SMAD2: variants seen among roughly 807,000 people sequenced by gnomAD.
The protein encoded by SMAD2 is MAD homolog 2.
SMAD2 carries 8 observed loss-of-function variants against 64.4 expected under a neutral mutation model. The ratio of observed to expected loss-of-function variants is 0.12; its 90% CI spans 0.07 to 0.22. SMAD2 has a LOEUF of 0.22. Ranked by LOEUF, SMAD2 falls within the 10% of genes least tolerant of loss-of-function variation. The pLI is 1.00. For synonymous variants in SMAD2, 203 were observed against 195.8 expected (o/e 1.04, Z -0.31); for missense variants, 289 against 561.2 (o/e 0.51, Z 4.90).
In SMAD2 at chr18:47,837,218, CT is replaced by C; in HGVS notation, c.*4608del. 5.0e-6 allele frequency: 1 copy of C among 198,654 alleles called. No homozygotes were observed. The highest frequency in any genetic ancestry group is 1.0e-5 in the Non-Finnish European group (1 of 96,028). The allele number at this position is 198,654 out of a possible 1,614,324, so 12.3% of individuals were successfully genotyped here. ...GACTCTAGGTATGAAAAGCATGTTC[CT>C]TTTTTGTTAATAAGTTCAAAGGAGA... On this transcript the variant is annotated 3_prime_UTR_variant, in exon 11 of 11. Transcript: ENST00000262160.
At chr18:47,880,206 C>T (rs896792872) in intron 2 of SMAD2, among the ~76,000 whole-genome samples, 1 of 152,132 alleles carries the variant, frequency 6.6e-6, no homozygotes, top group African/African-American at 2.4e-5. Context: ...ATACTTTGAA[C>T]AATTCTCTGT....
Position 47,836,409 on chromosome 18 carries a change from C to A in SMAD2, c.*5418G>T. 1 of 220,952 alleles carries A rather than the reference C, an allele frequency of 4.5e-6. No homozygotes were observed. The highest frequency in any genetic ancestry group is 9.1e-6 in the Non-Finnish European group (1 of 110,406). The allele number at this position is 220,952 out of a possible 1,614,324, so 13.7% of individuals were successfully genotyped here. Reference sequence around the variant, plus strand: ...AAATTTTGGCTGTGATTCTTAGTTACCAAGTTGCCAAAAAATGGTATATTA... The same window carrying A: ...AAATTTTGGCTGTGATTCTTAGTTAACAAGTTGCCAAAAAATGGTATATTA... On this transcript the variant is annotated 3_prime_UTR_variant, in exon 11 of 11. Coordinates refer to ENST00000262160, the MANE Select transcript of SMAD2 (RefSeq NM_005901.6).
intron 1 of SMAD2, among the ~76,000 whole-genome samples, chr18:47,921,496 T>C (rs1488571447): frequency 6.6e-6 from 1 of 152,220 alleles, no homozygotes; most frequent in Non-Finnish European, 1.5e-5. Flanking sequence ...CATGCAGCTG[T>C]AGATGTTTTC....
At chr18:47,907,413 A>G (rs2144505589) in intron 1 of SMAD2, among the ~76,000 whole-genome samples, 1 of 152,354 alleles carries the variant, frequency 6.6e-6, no homozygotes. Flanking sequence ...AAAGAAATAT[A>G]GACTGATTTC....
At chr18:47,850,607 A>AATATATATTATATATTAT (rs1915317921) in intron 7 of SMAD2, among the ~76,000 whole-genome samples, 2 of 55,810 alleles carry the variant, frequency 3.6e-5, no homozygotes, top group Non-Finnish European at 5.6e-5. Flanking sequence ...TATTATGTAT[A>AATATATATTATATATTAT]ATATATATTA....
At chr18:47,915,864 A>T (rs1159655213) in intron 1 of SMAD2, among the ~76,000 whole-genome samples, 2 of 152,082 alleles carry the variant, frequency 1.3e-5, no homozygotes, top group Non-Finnish European at 2.9e-5. Context: ...TATTAATTTT[A>T]CCTGTTCCAG....
Position 47,913,385 on chromosome 18 carries a change from T to TGACCTGAATG in SMAD2, c.-53-16577_-53-16576insCATTCAGGTC, listed in dbSNP as rs2034217616. On this transcript the variant is annotated intron_variant, in intron 1 of 10. Coordinates refer to ENST00000262160, the MANE Select transcript of SMAD2 (RefSeq NM_005901.6). ...TCTGAATGGCCACATGACCTGGTAT[T>TGACCTGAATG]GCCACATGATTTCAGTGTCCCATGT... Among the ~76,000 whole-genome samples the TGACCTGAATG allele has an allele frequency of 3.9e-5, 6 of 152,224 alleles. 1 individual carries two copies. The highest frequency in any genetic ancestry group is 3.9e-4 in the Admixed American group (6 of 15,288).
chr18:47,869,439 G>T lies in SMAD2; in HGVS notation c.327-3C>A, dbSNP rs766929516. The T allele has an allele frequency of 5.7e-6, 9 of 1,589,650 alleles. No homozygotes were observed. The Admixed American group carries it at 1.4e-4, about 24-fold the overall frequency. ...CCTGGAGACGACCATCAAGAGACCT[G>T]TTGGGAAGCAAGGGGAAAAGAAAGG... On this transcript the variant is annotated splice_polypyrimidine_tract_variant and splice_region_variant and intron_variant, in intron 3 of 10. Transcript: ENST00000262160.
chr18:47,851,435 A>G (rs2030063276), intron 6 of SMAD2, 108 bp from the exon 7 acceptor site: 1 of 718,424 alleles, frequency 1.4e-6, no homozygotes, highest in African/African-American at 1.8e-5. Context: ...ATACAAAGAT[A>G]ATTTAAATAC....
rs979618446 is a variant in SMAD2 at position 47,835,360 on chromosome 18, T to C, written c.*6467A>G. The C allele has an allele frequency of 4.4e-5, 9 of 203,920 alleles. No homozygotes were observed. The highest frequency in any genetic ancestry group is 2.1e-4 in the African/African-American group (9 of 43,710). The allele number at this position is 203,920 out of a possible 1,614,324, so 12.6% of individuals were successfully genotyped here. Reference sequence around the variant, plus strand: ...AATTAATCTGTGTGTATATTAGTTATATAAAGCAATGGATTTCCACATTCT... The same window carrying C: ...AATTAATCTGTGTGTATATTAGTTACATAAAGCAATGGATTTCCACATTCT... On this transcript the variant is annotated 3_prime_UTR_variant, in exon 11 of 11. Transcript: ENST00000262160.
rs1234594476 is a variant in SMAD2 at position 47,825,135 on chromosome 18, C to T, written c.*16692G>A. 1 of 152,104 alleles carries T rather than the reference C, an allele frequency of 6.6e-6. No individual in the cohort carries two copies. The highest frequency in any genetic ancestry group is 2.4e-5 in the African/African-American group (1 of 41,404). 9.4% of individuals were successfully genotyped at this position (152,104 alleles called of 1,614,324 possible). ...GTGATAATCAAAAGTTGTTGTGGGA[C>T]CATTCAAGATGAGCGTGGGGAAGGG... On this transcript the variant is annotated 3_prime_UTR_variant, in exon 11 of 11. Transcript: ENST00000262160.
intron 2 of SMAD2, chr18:47,895,168 C>T (rs1045343600): frequency 3.9e-5 from 6 of 152,218 alleles, no homozygotes; most frequent in African/African-American, 1.4e-4. Context: ...AACATTCAAA[C>T]TCTCACCACA....
intron 2 of SMAD2, among the ~76,000 whole-genome samples, chr18:47,878,116 A>G (rs2032373318): frequency 6.6e-6 from 1 of 152,188 alleles, no homozygotes; most frequent in Admixed American, 6.5e-5. Flanking sequence ...ATCAGAACAG[A>G]GCATGTCTAC....
intron 7 of SMAD2, among the ~76,000 whole-genome samples, chr18:47,850,374 TATATATATTATATA>T (rs2144309837): frequency 4.3e-5 from 1 of 23,148 alleles, no homozygotes; most frequent in Admixed American, 9.9e-4. Context: ...TAATATATAT[TATATATATTATATA>T]ATATATATTA....
chr18:47,924,467 CTT>C (rs935951805), intron 1 of SMAD2, among the ~76,000 whole-genome samples: 3 of 143,080 alleles, frequency 2.1e-5, no homozygotes, highest in Admixed American at 7.0e-5. Flanking sequence ...TCTTTTTTTT[CTT>C]TTTTTTTTTT....
At position 47,834,126 on chromosome 18, in the gene SMAD2, T is replaced by G. The variant is rs184083150; in HGVS notation, c.*7701A>C. The G allele has an allele frequency of 4.2e-5, 9 of 213,294 alleles. No homozygotes were observed. Among genetic ancestry groups the G allele is most frequent in the Non-Finnish European group, 7.6e-5 (8 of 105,570 alleles). The allele number at this position is 213,294 out of a possible 1,614,324, so 13.2% of individuals were successfully genotyped here. On this transcript the variant is annotated 3_prime_UTR_variant, in exon 11 of 11. Transcript: ENST00000262160. ...ACTGGATGGCACATATCCCAATAAG[T>G]ATCAGAAATGTTGACAGCCATAGTG...
Position 47,829,388 on chromosome 18 carries a change from C to T in SMAD2, c.*12439G>A, listed in dbSNP as rs1308363459. ...GTATCTCTAAAACATTGTCTCTAGA[C>T]CTCAGCAAAAAAAAAAAAGCACATC... On this transcript the variant is annotated 3_prime_UTR_variant, in exon 11 of 11. Transcript: ENST00000262160. 6.6e-6 allele frequency: 1 copy of T among 150,834 alleles called. No individual in the cohort carries two copies. The highest frequency in any genetic ancestry group is 2.5e-5 in the African/African-American group (1 of 40,808). The allele number at this position is 150,834 out of a possible 1,614,324, so 9.3% of individuals were successfully genotyped here.
At chr18:47,873,965 A>C (rs576063830) in intron 2 of SMAD2, among the ~76,000 whole-genome samples, 86 of 151,274 alleles carry the variant, frequency 5.7e-4, no homozygotes, top group African/African-American at 2.1e-3. Flanking sequence ...CCTGTAAAGA[A>C]AGAGGCACAA....
At position 47,845,799 on chromosome 18, in the gene SMAD2, T is replaced by C. The variant is rs748260192; in HGVS notation, c.999A>G (p.Gly333=). 16 of 1,613,362 alleles carry C rather than the reference T, an allele frequency of 9.9e-6. No individual in the cohort carries two copies. In the Admixed American group the frequency reaches 2.7e-4, roughly 27 times the overall value. ...ATVEMTRRHI[G]RGVRLYYIGG... The stretch of plus-strand genomic sequence containing the variant: ...CTATGTAGTATAAGCGCACTCCTCT[T>C]CCTGAAACAAAATACAAATGAGATT... Residue 333 remains glycine (G), a splice_region_variant and synonymous_variant, in exon 9 of 11, where the codon GGA becomes GGG. Transcript: ENST00000262160.
Sources: gnomAD v4.1 joint callset for allele counts (sites outside exome capture counted in the v4.1 genomes callset) on GRCh38, gnomAD v4.1.1 for gene constraint, MANE v1.5 for transcripts, NCBI Gene and HGNC (gene_info 2026-07-23, HGNC 2026-07-21) for gene names.